ROBO1: variants seen among roughly 807,000 people sequenced by gnomAD.
ROBO1 encodes roundabout homolog 1.
A neutral mutation model predicts 195.9 loss-of-function variants in ROBO1; 149 were observed. That is an observed-to-expected ratio of 0.76 (90% confidence interval 0.67 to 0.87). The LOEUF is 0.87. Among genes scored for constraint, ROBO1 ranks in the 40% least tolerant of loss-of-function variants. The probability of loss-of-function intolerance (pLI) is 0.00; values close to 1 mark genes in which losing one functional copy is unlikely to be tolerated. For synonymous variants in ROBO1, 816 were observed against 733.2 expected, an observed-to-expected ratio of 1.11 and a Z score of -1.82; for missense variants, 1,933 against 2,068.3, an observed-to-expected ratio of 0.93 and a Z score of 1.27.
intron 3 of ROBO1, among the ~76,000 whole-genome samples, chr3:79,020,259 C>A (rs973047201): frequency 6.6e-6 from 1 of 152,188 alleles, no homozygotes; most frequent in African/African-American, 2.4e-5. Context: ...AGCTCTGTGA[C>A]CAGGTCTGTT....
intron 3 of ROBO1, among the ~76,000 whole-genome samples, chr3:78,951,397 A>G (rs975157312): frequency 5.9e-5 from 9 of 152,126 alleles, no homozygotes; most frequent in Non-Finnish European, 1.2e-4. Flanking sequence ...TAGTTATGTG[A>G]ATTTGTACAT....
intron 3 of ROBO1, among the ~76,000 whole-genome samples, chr3:79,013,589 T>TA (rs1249562299): frequency 6.6e-6 from 1 of 152,242 alleles, no homozygotes; most frequent in Non-Finnish European, 1.5e-5. Context: ...TAATCTTTTT[T>TA]ATTTAAATTC....
intron 2 of ROBO1, among the ~76,000 whole-genome samples, chr3:79,574,918 AAAT>A (rs1170046046): frequency 6.6e-6 from 1 of 151,232 alleles, no homozygotes; most frequent in Non-Finnish European, 1.5e-5. Context: ...AAAACAGACA[AAAT>A]AAAACTAAAA....
chr3:79,761,961 G>A (rs1704723312), intron 1 of ROBO1, among the ~76,000 whole-genome samples: 1 of 152,038 alleles, frequency 6.6e-6, no homozygotes, highest in Admixed American at 6.6e-5. Flanking sequence ...TAATTCTGAT[G>A]GGGGATCCTG....
chr3:78,653,478 T>G (rs916246341), intron 18 of ROBO1, among the ~76,000 whole-genome samples: 1 of 152,164 alleles, frequency 6.6e-6, no homozygotes, highest in African/African-American at 2.4e-5. Context: ...GCCTGGGTAA[T>G]ACCTTCAACA....
At chr3:79,061,827 T>C (rs1440177194) in intron 3 of ROBO1, among the ~76,000 whole-genome samples, 1 of 151,956 alleles carries the variant, frequency 6.6e-6, no homozygotes, top group African/African-American at 2.4e-5. Flanking sequence ...ATCCCTTCCT[T>C]ACACCTTATA....
intron 3 of ROBO1, among the ~76,000 whole-genome samples, chr3:78,952,678 T>C (rs2040851243): frequency 6.6e-6 from 1 of 151,934 alleles, no homozygotes; most frequent in African/African-American, 2.4e-5. Context: ...ATAAGAAGCA[T>C]AAAAACAGTC....
At chr3:78,905,632 C>G (rs1428846331) in intron 4 of ROBO1, among the ~76,000 whole-genome samples, 4 of 151,926 alleles carry the variant, frequency 2.6e-5, no homozygotes, top group South Asian at 2.1e-4. Flanking sequence ...CACAAAAACT[C>G]TACTGTTGAT....
intron 1 of ROBO1, among the ~76,000 whole-genome samples, chr3:79,759,023 A>G (rs998698515): frequency 6.6e-6 from 1 of 152,214 alleles, no homozygotes; most frequent in Non-Finnish European, 1.5e-5. Flanking sequence ...GAATTTATGC[A>G]TCTGTCATTG....
chr3:79,037,357 TCTC>T (rs2078399235), intron 3 of ROBO1, among the ~76,000 whole-genome samples: 1 of 152,128 alleles, frequency 6.6e-6, no homozygotes, highest in South Asian at 2.1e-4. Flanking sequence ...TCATTTTTAT[TCTC>T]CTCTGAACCA....
intron 2 of ROBO1, among the ~76,000 whole-genome samples, chr3:79,487,864 A>G (rs1939244620): frequency 6.6e-6 from 1 of 152,158 alleles, no homozygotes; most frequent in South Asian, 2.1e-4. Flanking sequence ...GATTATTTAT[A>G]TTTTTTCCCT....
intron 3 of ROBO1, among the ~76,000 whole-genome samples, chr3:79,083,636 T>C (rs1321784842): frequency 6.6e-6 from 1 of 152,224 alleles, no homozygotes; most frequent in Non-Finnish European, 1.5e-5. Flanking sequence ...GGTAGGAAAC[T>C]GTCGTCCTAT....
chr3:78,752,078 A>G (rs1439491485), intron 4 of ROBO1, among the ~76,000 whole-genome samples: 1 of 152,118 alleles, frequency 6.6e-6, no homozygotes, highest in Non-Finnish European at 1.5e-5. Context: ...AGACGAGGTA[A>G]ATAAAGACAA....
Position 79,635,792 on chromosome 3 carries a change from G to A in ROBO1, c.-50-45831C>T, listed in dbSNP as rs550715345. ...AAATGTAGGAGGCCGAGATGGAATG[G>A]GGATATTTTTAATTATTGCACTTAG... On this transcript the variant is annotated intron_variant, in intron 1 of 30. Coordinates refer to ENST00000464233, the MANE Select transcript of ROBO1 (RefSeq NM_002941.4). Among the ~76,000 whole-genome samples the A allele has an allele frequency of 3.9e-5, 6 of 152,150 alleles. No homozygotes were observed. In the South Asian group the frequency reaches 8.3e-4, roughly 21 times the overall value.
At chr3:79,116,287 T>C (rs927440796) in intron 3 of ROBO1, among the ~76,000 whole-genome samples, 1 of 151,666 alleles carries the variant, frequency 6.6e-6, no homozygotes, top group Admixed American at 6.6e-5. Context: ...TTCTTTTCTT[T>C]CTTTCTCTTT....
At chr3:79,251,354 A>G (rs905771794) in intron 2 of ROBO1, among the ~76,000 whole-genome samples, 2 of 152,188 alleles carry the variant, frequency 1.3e-5, no homozygotes, top group African/African-American at 2.4e-5. Flanking sequence ...TCCTAAATTG[A>G]GAAGTAATTT....
At chr3:79,479,707 T>C (rs548372493) in intron 2 of ROBO1, among the ~76,000 whole-genome samples, 1 of 152,346 alleles carries the variant, frequency 6.6e-6, no homozygotes, top group Admixed American at 6.5e-5. Flanking sequence ...AAATAACTCA[T>C]GGATTAATTC....
intron 25 of ROBO1, among the ~76,000 whole-genome samples, chr3:78,630,063 A>C (rs1705090550): frequency 6.6e-6 from 1 of 152,238 alleles, no homozygotes; most frequent in South Asian, 2.1e-4. Flanking sequence ...AATGTGCCTT[A>C]AAGAAATATA....
intron 3 of ROBO1, among the ~76,000 whole-genome samples, chr3:79,061,496 A>G (rs1439655338): frequency 1.3e-5 from 2 of 152,176 alleles, no homozygotes; most frequent in Non-Finnish European, 2.9e-5. Flanking sequence ...AATTGGAAAA[A>G]ACTACTTTAA....
Sources: gnomAD v4.1 joint callset for allele counts (sites outside exome capture counted in the v4.1 genomes callset) on GRCh38, gnomAD v4.1.1 for gene constraint, MANE v1.5 for transcripts, NCBI Gene and HGNC (gene_info 2026-07-23, HGNC 2026-07-21) for gene names.